EIF3G: variants seen among roughly 807,000 people sequenced by gnomAD.
EIF3G encodes the protein eukaryotic translation initiation factor 3 RNA-binding subunit.
Under a neutral mutation model 41.7 loss-of-function variants are expected in EIF3G, and 10 were observed. That is an observed-to-expected ratio of 0.24 (90% CI 0.15 to 0.41). The LOEUF is 0.41. Among genes scored for constraint, EIF3G ranks in the 10% least tolerant of loss-of-function variants. EIF3G has a pLI of 1.00. For synonymous variants in EIF3G, 204 were observed against 172.5 expected (o/e 1.18, Z -1.43); for missense variants, 297 against 444.0 (o/e 0.67, Z 2.98).
In EIF3G at chr19:10,116,289, G is replaced by C. The variant is rs941491018; in HGVS notation, c.596-215C>G. 2 of 599,328 alleles carry C rather than the reference G, an allele frequency of 3.3e-6. No individual in the cohort carries two copies. The highest frequency in any genetic ancestry group is 5.9e-6 in the Non-Finnish European group (2 of 337,962). The allele number at this position is 599,328 out of a possible 1,614,324, so 37.1% of individuals were successfully genotyped here. A position where few individuals can be genotyped will look rare whatever the true frequency, so the allele number is the denominator to read the frequency against. ...CGACACTGGTGGAGGAGGAGGAGGA[G>C]GAGCCCCGACCCCACCCCAGAGAGG... On this transcript the variant is annotated intron_variant, in intron 7 of 10. Transcript: ENST00000253108. The surrounding 1 kb of genome is among the most constrained non-coding windows in gnomAD (Gnocchi z 4.1).
In EIF3G at chr19:10,116,510, C is replaced by G. The variant is rs115800812; in HGVS notation, c.595+290G>C. On this transcript the variant is annotated intron_variant, in intron 7 of 10. Transcript: ENST00000253108. The surrounding 1 kb of genome is among the most constrained non-coding windows in gnomAD (Gnocchi z 4.1). ...AGGCATGCAACGGAGACACTATACA[C>G]ACAGTGCGCACACACGATGTGGGGT... is the stretch of plus-strand genomic sequence containing the variant. 174 of 513,830 alleles carry G rather than the reference C, an allele frequency of 3.4e-4. No individual in the cohort carries two copies. The highest frequency in any genetic ancestry group is 3.0e-3 in the African/African-American group (159 of 52,604). 31.8% of individuals were successfully genotyped at this position (513,830 alleles called of 1,614,324 possible). A position where few individuals can be genotyped will look rare whatever the true frequency, so the allele number is the denominator to read the frequency against.
At chr19:10,115,178 G>A in intron 10 of EIF3G, 49 bp from the exon 11 acceptor site, 2 of 1,609,140 alleles carry the variant, frequency 1.2e-6, no homozygotes, top group South Asian at 1.1e-5. Flanking sequence ...GGCACCCCAA[G>A]ACCCCAGACA....
rs754831371 is a variant in EIF3G at position 10,115,810 on chromosome 19, G to A, written c.714C>T (p.Asn238=). Reference sequence around the variant, plus strand: ...ACAAGTTGGTGACACGGATGGTGGCGTTGTCGTCGGCTGTGTGGGAGAGGG... The same window carrying A: ...ACAAGTTGGTGACACGGATGGTGGCATTGTCGTCGGCTGTGTGGGAGAGGG... The part of the protein sequence containing the change: ...SMQPNRRADD[N]ATIRVTNLSE... Residue 238 remains asparagine (N), a synonymous_variant, in exon 9 of 11, where the codon AAC becomes AAT. Coordinates refer to ENST00000253108, the MANE Select transcript of EIF3G (RefSeq NM_003755.5). 1.1e-4 allele frequency: 178 copies of A among 1,612,820 alleles called. 1 individual carries two copies. The East Asian group carries it at 3.5e-3, about 31-fold the overall frequency.
chr19:10,117,872 T>C (rs1354761587), intron 5 of EIF3G, among the ~76,000 whole-genome samples: 5 of 151,414 alleles, frequency 3.3e-5, no homozygotes, highest in African/African-American at 4.9e-5. Flanking sequence ...CTGGGCAACA[T>C]AGTGAAACCC....
rs1256909675 is a variant in EIF3G, at chr19:10,115,136, TA to T, written c.948-8del. 6.2e-7 allele frequency: 1 copy of T among 1,612,698 alleles called. No homozygotes were observed. The highest frequency in any genetic ancestry group is 1.3e-5 in the African/African-American group (1 of 74,532). Reference sequence around the variant, plus strand: ...GGCTTAGTTGGTGGACGGCCTGGGGTAGGGGAGGGTGGCAGGTATAAGACTT... The same window carrying T: ...GGCTTAGTTGGTGGACGGCCTGGGGTGGGGAGGGTGGCAGGTATAAGACTT... On this transcript the variant is annotated splice_polypyrimidine_tract_variant and splice_region_variant and intron_variant, in intron 10 of 10. Coordinates refer to ENST00000253108, the MANE Select transcript of EIF3G (RefSeq NM_003755.5).
In EIF3G at chr19:10,118,656, G is replaced by C; in HGVS notation, c.300+12C>G. 1 of 1,613,802 alleles carries C rather than the reference G, an allele frequency of 6.2e-7. No homozygotes were observed. Among genetic ancestry groups the C allele is most frequent in the Non-Finnish European group, 8.5e-7 (1 of 1,179,894 alleles). ...ATTCCTCTAGGTTAGCCCTGGGGAA[G>C]AAGAGCCTCACCTTCCTCCTTGCGA... On this transcript the variant is annotated intron_variant, in intron 5 of 10. Coordinates refer to ENST00000253108, the MANE Select transcript of EIF3G (RefSeq NM_003755.5).
chr19:10,117,836 C>G (rs1762745720), intron 5 of EIF3G, among the ~76,000 whole-genome samples: 1 of 152,164 alleles, frequency 6.6e-6, no homozygotes, highest in Non-Finnish European at 1.5e-5. Flanking sequence ...TGGGAGATCT[C>G]TCAAGCCCAG....
rs1017414464 is a variant in EIF3G, at chr19:10,115,051, G to T, written c.*63C>A. 6.2e-7 allele frequency: 1 copy of T among 1,609,458 alleles called. No individual in the cohort carries two copies. Among genetic ancestry groups the T allele is most frequent in the Admixed American group, 1.7e-5 (1 of 59,506 alleles). The stretch of plus-strand genomic sequence containing the variant: ...AGCTGCTTTATTGCCCTTGGAGCCC[G>T]CGCTCTCGGAGGCTGTCTTCTGTCG... On this transcript the variant is annotated 3_prime_UTR_variant, in exon 11 of 11. Coordinates refer to ENST00000253108, the MANE Select transcript of EIF3G (RefSeq NM_003755.5).
At position 10,117,000 on chromosome 19, in the gene EIF3G, C is replaced by T. The variant is rs371843551; in HGVS notation, c.406-11G>A. On this transcript the variant is annotated splice_polypyrimidine_tract_variant and intron_variant, in intron 6 of 10. Transcript: ENST00000253108. This position sits in a 1 kb window ranked among gnomAD's most constrained non-coding sequence, Gnocchi z 4.1. ...CTGGCAGTTCAGGTCCTGGCAGGGG[C>T]GGGTTGGGGGGAGCTCAGAGGCGGC... 17 of 1,605,884 alleles carry T rather than the reference C, an allele frequency of 1.1e-5. No homozygotes were observed. The highest frequency in any genetic ancestry group is 1.0e-4 in the Admixed American group (6 of 59,656).
At position 10,115,797 on chromosome 19, in the gene EIF3G, C is replaced by G; in HGVS notation, c.727G>C (p.Val243Leu). 6.2e-7 allele frequency: 1 copy of G among 1,613,684 alleles called. No individual in the cohort carries two copies. The highest frequency in any genetic ancestry group is 8.5e-7 in the Non-Finnish European group (1 of 1,180,002). Residue 243 changes from valine to leucine, a missense_variant, in exon 9 of 11, where the codon GTC (valine) becomes CTC (leucine). This residue lies in a region of EIF3G where 91 missense variants were observed against 170.5 expected (regional missense o/e 0.53). Transcript: ENST00000253108. The stretch of plus-strand genomic sequence containing the variant: ...CGCGTGTCCTCTGACAAGTTGGTGA[C>G]ACGGATGGTGGCGTTGTCGTCGGCT... ...RRADDNATIRVTNLSEDTRET... is the reference protein window; with the variant it reads ...RRADDNATIRLTNLSEDTRET...
At chr19:10,115,270 T>C (rs2089221793) in intron 10 of EIF3G, 141 bp from the exon 11 acceptor site, 1 of 1,217,984 alleles carries the variant, frequency 8.2e-7, no homozygotes, top group Non-Finnish European at 1.1e-6. Context: ...ATGGCCAGTC[T>C]CCAGGCCTGG....
intron 2 of EIF3G, 47 bp downstream of exon 2, chr19:10,119,607 C>T: frequency 6.5e-7 from 1 of 1,548,960 alleles, no homozygotes; most frequent in Non-Finnish European, 8.7e-7. Context: ...GGCAGTCACA[C>T]GGCTTGGGCC....
Position 10,115,140 on chromosome 19 carries a change from G to A in EIF3G, c.948-11C>T. 6.2e-7 allele frequency: 1 copy of A among 1,613,904 alleles called. No individual in the cohort carries two copies. The highest frequency in any genetic ancestry group is 8.5e-7 in the Non-Finnish European group (1 of 1,180,004). The stretch of plus-strand genomic sequence containing the variant: ...TAGTTGGTGGACGGCCTGGGGTAGG[G>A]GAGGGTGGCAGGTATAAGACTTCTG... On this transcript the variant is annotated splice_polypyrimidine_tract_variant and intron_variant, in intron 10 of 10. Coordinates refer to ENST00000253108, the MANE Select transcript of EIF3G (RefSeq NM_003755.5).
chr19:10,115,952 CG>C lies in EIF3G; in HGVS notation c.703+14del, dbSNP rs1568494640. The C allele has an allele frequency of 1.9e-6, 3 of 1,583,286 alleles. No individual in the cohort carries two copies. Among genetic ancestry groups the C allele is most frequent in the Non-Finnish European group, 2.6e-6 (3 of 1,157,544 alleles). On this transcript the variant is annotated intron_variant, in intron 8 of 10. Transcript: ENST00000253108. ...AGGTGCCCACCCACCAGCCTGGCGT[CG>C]GGGTGCCCCTCACCTCTGCGGTTGG...
rs147076389 is a variant in EIF3G, at chr19:10,116,052, C to T, written c.618G>A (p.Thr206=). The T allele has an allele frequency of 2.0e-5, 33 of 1,613,814 alleles. No homozygotes were observed. The African/African-American group carries it at 3.3e-4, about 16-fold the overall frequency. The stretch of plus-strand genomic sequence containing the variant: ...GCACATACTTCCCTGTCTTGTTCTG[C>T]GTGGCCTGCACCGGCTCTAGCTCTG... ...LPGELEPVQA[T]QNKTGKYVPP... The change falls in exon 8 of 11, where the codon ACG becomes ACA. Residue 206 remains threonine (T), a synonymous_variant. Coordinates refer to ENST00000253108, the MANE Select transcript of EIF3G (RefSeq NM_003755.5). This position sits in a 1 kb window ranked among gnomAD's most constrained non-coding sequence, Gnocchi z 4.1.
chr19:10,119,475 G>A lies in EIF3G; in HGVS notation c.67+179C>T, dbSNP rs2089287800. 4.8e-6 allele frequency: 4 copies of A among 825,634 alleles called. No individual in the cohort carries two copies. In the African/African-American group the frequency reaches 6.7e-5, roughly 14 times the overall value. 51.1% of individuals were successfully genotyped at this position (825,634 alleles called of 1,614,324 possible). A position where few individuals can be genotyped will look rare whatever the true frequency, so the allele number is the denominator to read the frequency against. On this transcript the variant is annotated intron_variant, in intron 2 of 10. Coordinates refer to ENST00000253108, the MANE Select transcript of EIF3G (RefSeq NM_003755.5). Reference sequence around the variant, plus strand: ...ACAGCTGGGAGGCAGTGGCATGGGAGGAAGAGGGACCCGCCGGGGAACACC... The same window carrying A: ...ACAGCTGGGAGGCAGTGGCATGGGAAGAAGAGGGACCCGCCGGGGAACACC...
intron 10 of EIF3G, 26 bp from the exon 11 acceptor site, chr19:10,115,155 T>A: frequency 6.2e-7 from 1 of 1,613,042 alleles, no homozygotes. Context: ...GTGGCAGGTA[T>A]AAGACTTCTG....
Position 10,116,053 on chromosome 19 carries a change from G to A in EIF3G, c.617C>T (p.Thr206Met), listed in dbSNP as rs1158298210. ...CACATACTTCCCTGTCTTGTTCTGCGTGGCCTGCACCGGCTCTAGCTCTGG... is the reference window on the plus strand; with the variant it reads ...CACATACTTCCCTGTCTTGTTCTGCATGGCCTGCACCGGCTCTAGCTCTGG... ...LPGELEPVQA[T>M]QNKTGKYVPP... is the part of the protein sequence containing the mutation. Residue 206 changes from threonine to methionine, a missense_variant, in exon 8 of 11, where the codon ACG becomes ATG. Physicochemically the swap from Thr to Met is moderately conservative, Grantham distance 81 (BLOSUM62 -1). Transcript: ENST00000253108. The surrounding 1 kb of genome is among the most constrained non-coding windows in gnomAD (Gnocchi z 4.1). 1.9e-5 allele frequency: 30 copies of A among 1,613,772 alleles called. No homozygotes were observed. The highest frequency in any genetic ancestry group is 1.6e-4 in the Middle Eastern group (1 of 6,084).
chr19:10,116,330 G>C lies in EIF3G; in HGVS notation c.596-256C>G. On this transcript the variant is annotated intron_variant, in intron 7 of 10. Coordinates refer to ENST00000253108, the MANE Select transcript of EIF3G (RefSeq NM_003755.5). This position sits in a 1 kb window ranked among gnomAD's most constrained non-coding sequence, Gnocchi z 4.1. ...CCCAGAGAGGGCGGGAGGACAACAG[G>C]GGCAGCAGCCTCACATGCACAGCAA... 1 of 573,726 alleles carries C rather than the reference G, an allele frequency of 1.7e-6. No individual in the cohort carries two copies. The highest frequency in any genetic ancestry group is 3.2e-5 in the Admixed American group (1 of 31,608). 35.5% of individuals were successfully genotyped at this position (573,726 alleles called of 1,614,324 possible). A position where few individuals can be genotyped will look rare whatever the true frequency, so the allele number is the denominator to read the frequency against.
Sources: allele counts gnomAD v4.1 joint callset (sites outside exome capture counted in the v4.1 genomes callset), GRCh38; gene constraint gnomAD v4.1.1; regional missense constraint gnomAD v4.1.1; non-coding constraint Gnocchi (gnomAD v3.1); transcripts MANE v1.5; gene names NCBI Gene and HGNC (gene_info 2026-07-23, HGNC 2026-07-21).